Variants in PPP2R5E observed in about 807,000 individuals in gnomAD.
PPP2R5E encodes serine/threonine-protein phosphatase 2A 56 kDa regulatory subunit epsilon isoform.
In PPP2R5E, 4 loss-of-function variants were observed where a neutral mutation model predicts 65.3. That is an observed-to-expected ratio of 0.06 (90% CI 0.03 to 0.14). PPP2R5E has a LOEUF of 0.14. PPP2R5E is among the 10% of genes least tolerant of loss of function. PPP2R5E has a pLI of 1.00. For synonymous variants in PPP2R5E, 183 were observed against 187.4 expected (o/e 0.98, Z 0.19); for missense variants, 274 against 556.1 (o/e 0.49, Z 5.10).
chr14:63,488,993 T>C (rs1891150071), intron 2 of PPP2R5E, among the ~76,000 whole-genome samples: 1 of 152,110 alleles, frequency 6.6e-6, no homozygotes. Context: ...CTTTAATTTC[T>C]GGTTTTACAG....
At chr14:63,443,385 T>C (rs1888329835) in intron 3 of PPP2R5E, among the ~76,000 whole-genome samples, 1 of 152,150 alleles carries the variant, frequency 6.6e-6, no homozygotes, top group Non-Finnish European at 1.5e-5. Context: ...ATAAAAATAA[T>C]AACAGCAAAT....
intron 2 of PPP2R5E, among the ~76,000 whole-genome samples, chr14:63,476,612 C>G (rs1890424218): frequency 6.6e-6 from 1 of 152,134 alleles, no homozygotes; most frequent in Non-Finnish European, 1.5e-5. Flanking sequence ...GTCCACCCAA[C>G]TAATAGTTTT....
At chr14:63,530,122 A>G (rs1272833873) in intron 2 of PPP2R5E, among the ~76,000 whole-genome samples, 1 of 152,130 alleles carries the variant, frequency 6.6e-6, no homozygotes, top group East Asian at 1.9e-4. Flanking sequence ...ACATACACAG[A>G]AACTTTACAT....
intron 2 of PPP2R5E, among the ~76,000 whole-genome samples, chr14:63,483,852 A>T (rs912621651): frequency 6.6e-6 from 1 of 152,148 alleles, no homozygotes; most frequent in African/African-American, 2.4e-5. Flanking sequence ...TGGGAGGCCG[A>T]GGCGGGTGGA....
At chr14:63,423,945 G>C (rs546726400) in intron 3 of PPP2R5E, among the ~76,000 whole-genome samples, 2 of 152,200 alleles carry the variant, frequency 1.3e-5, no homozygotes, top group South Asian at 4.1e-4. Context: ...AGTGCAATGA[G>C]AGGCCATTAG....
intron 2 of PPP2R5E, among the ~76,000 whole-genome samples, chr14:63,491,322 T>C (rs923574687): frequency 1.3e-5 from 2 of 151,986 alleles, no homozygotes; most frequent in Non-Finnish European, 2.9e-5. Context: ...AACCTCAGCA[T>C]AGAGTGATAT....
intron 5 of PPP2R5E, among the ~76,000 whole-genome samples, chr14:63,409,758 T>G (rs1024696723): frequency 3.9e-5 from 6 of 152,228 alleles, no homozygotes; most frequent in African/African-American, 1.2e-4. Context: ...CTAAGCAGAT[T>G]TGACAACTGT....
intron 5 of PPP2R5E, among the ~76,000 whole-genome samples, chr14:63,413,692 T>C (rs150349056): frequency 2.1e-4 from 32 of 152,304 alleles, no homozygotes; most frequent in Non-Finnish European, 4.0e-4. Flanking sequence ...GTAGATCTAC[T>C]ATGTATCACT....
rs1275452703 is a variant in PPP2R5E, at chr14:63,415,687, CAAT to C, written c.457-458_457-456del. 2.0e-5 allele frequency among the ~76,000 whole-genome samples: 3 copies of C among 152,230 alleles called. No homozygotes were observed. In the East Asian group the frequency reaches 5.8e-4, roughly 29 times the overall value. ...ACAATGTATTATGAACAATTTACAT[CAAT>C]AATATCTCAACTATCATTCTTAGTA... is the stretch of plus-strand genomic sequence containing the variant. On this transcript the variant is annotated intron_variant, in intron 4 of 13. Coordinates refer to ENST00000337537, the MANE Select transcript of PPP2R5E (RefSeq NM_006246.5).
At chr14:63,399,466 G>A (rs1484320641) in intron 5 of PPP2R5E, among the ~76,000 whole-genome samples, 2 of 126,042 alleles carry the variant, frequency 1.6e-5, no homozygotes, top group East Asian at 2.6e-4. Flanking sequence ...TGAAACCTCC[G>A]CCTTCCGGGT....
chr14:63,528,199 A>G (rs1594974830), intron 2 of PPP2R5E, among the ~76,000 whole-genome samples: 1 of 152,332 alleles, frequency 6.6e-6, no homozygotes, highest in East Asian at 1.9e-4. Flanking sequence ...GATCTTTTTC[A>G]AGCACTACAA....
intron 4 of PPP2R5E, among the ~76,000 whole-genome samples, chr14:63,421,410 C>T (rs138472362): frequency 5.3e-5 from 8 of 152,256 alleles, no homozygotes; most frequent in Non-Finnish European, 8.8e-5. Flanking sequence ...CAGTGATGCC[C>T]CTGATCCATC....
intron 3 of PPP2R5E, among the ~76,000 whole-genome samples, chr14:63,424,851 A>C (rs1296810123): frequency 6.6e-6 from 1 of 152,204 alleles, no homozygotes; most frequent in Non-Finnish European, 1.5e-5. Context: ...ATAATAGAAA[A>C]GAACTAGAGT....
chr14:63,433,455 C>T (rs1359147146), intron 3 of PPP2R5E, among the ~76,000 whole-genome samples: 1 of 152,124 alleles, frequency 6.6e-6, no homozygotes, highest in East Asian at 1.9e-4. Flanking sequence ...CCCTCCAGAA[C>T]TCCCTTTTAA....
At position 63,438,561 on chromosome 14, in the gene PPP2R5E, G is replaced by A. The variant is rs551669511; in HGVS notation, c.354+15128C>T. Among the ~76,000 whole-genome samples, 3 of 152,292 alleles carry A rather than the reference G, an allele frequency of 2.0e-5. No homozygotes were observed. In the East Asian group the frequency reaches 5.8e-4, roughly 29 times the overall value. ...AAAATTCTGCTGCCAGCCACTGGGG[G>A]GAGGGGTAGAGACAGGGGGAGTATA... On this transcript the variant is annotated intron_variant, in intron 3 of 13. Transcript: ENST00000337537.
chr14:63,388,405 C>G (rs1438648116), intron 11 of PPP2R5E, among the ~76,000 whole-genome samples: 2 of 152,166 alleles, frequency 1.3e-5, no homozygotes, highest in Non-Finnish European at 2.9e-5. Flanking sequence ...TCCCAAAGTG[C>G]TGGGATCACA....
intron 2 of PPP2R5E, among the ~76,000 whole-genome samples, chr14:63,505,400 G>C (rs898644245): frequency 6.6e-6 from 1 of 152,146 alleles, no homozygotes; most frequent in Non-Finnish European, 1.5e-5. Context: ...CCTTGGTAAT[G>C]ACCACTTTAA....
intron 2 of PPP2R5E, among the ~76,000 whole-genome samples, chr14:63,461,366 A>G (rs894034869): frequency 9.9e-5 from 15 of 152,082 alleles, no homozygotes; most frequent in Non-Finnish European, 1.9e-4. Context: ...CAGTTTGTCA[A>G]TTTTTCTTCA....
rs138735012 is a variant in PPP2R5E, at chr14:63,416,768, T to C, written c.457-1536A>G. ...AGAATTGAGAAGAAAGCCATTGTTT[T>C]ATAGTTTTATAAATCTCTTTAATAT... On this transcript the variant is annotated intron_variant, in intron 4 of 13. Transcript: ENST00000337537. Among the ~76,000 whole-genome samples the C allele has an allele frequency of 4.3e-3, 658 of 152,294 alleles. 3 individuals are homozygous for C. Among genetic ancestry groups the C allele is most frequent in the Non-Finnish European group, 7.1e-3 (485 of 68,010 alleles).
Sources: gnomAD v4.1 joint callset for allele counts (sites outside exome capture counted in the v4.1 genomes callset) on GRCh38, gnomAD v4.1.1 for gene constraint, MANE v1.5 for transcripts, NCBI Gene and HGNC (gene_info 2026-07-23, HGNC 2026-07-21) for gene names.